Variants in ESYT2 observed in about 807,000 individuals in gnomAD.
ESYT2 encodes extended synaptotagmin 2.
In ESYT2, 54 loss-of-function variants were observed where a neutral mutation model predicts 107.2. The observed-to-expected ratio is 0.50, with a 90% CI of 0.40 to 0.63. The LOEUF is 0.63. Among genes scored for constraint, ESYT2 ranks in the 30% least tolerant of loss-of-function variants. The pLI is 0.00. For missense variants in ESYT2, 1,020 were observed against 1,094.5 expected (o/e 0.93, Z 0.96); for synonymous variants, 491 against 434.1 (o/e 1.13, Z -1.63).
chr7:158,820,991 G>A (rs1371990853), intron 1 of ESYT2, among the ~76,000 whole-genome samples: 4 of 152,024 alleles, frequency 2.6e-5, no homozygotes, highest in African/African-American at 7.3e-5. Context: ...AATTCATCAA[G>A]ACTCATTTTT....
At chr7:158,774,601 T>C (rs376693488) in intron 6 of ESYT2, among the ~76,000 whole-genome samples, 1 of 152,180 alleles carries the variant, frequency 6.6e-6, no homozygotes, top group East Asian at 1.9e-4. Context: ...AAGGAACAGG[T>C]ACTCCCTGCC....
chr7:158,826,925 G>GAGGCCA (rs971397380), intron 1 of ESYT2, among the ~76,000 whole-genome samples: 11 of 151,902 alleles, frequency 7.2e-5, no homozygotes, highest in African/African-American at 2.7e-4. Context: ...TGCACTTGGG[G>GAGGCCA]AGGCCAAGGC....
At chr7:158,793,603 A>G (rs113646836) in intron 4 of ESYT2, 47 bp downstream of exon 4, 8 of 1,383,508 alleles carry the variant, frequency 5.8e-6, no homozygotes, top group African/African-American at 2.8e-5. Context: ...GCTAAGTGAC[A>G]TTACACGCCA....
intron 1 of ESYT2, 53 bp downstream of exon 1, chr7:158,829,036 G>A (rs1840547911): frequency 3.9e-6 from 6 of 1,558,360 alleles, no homozygotes; most frequent in Non-Finnish European, 5.2e-6. Context: ...CCTGGACGAG[G>A]GGAGATCGGG....
chr7:158,760,129 C>T lies in ESYT2; in HGVS notation c.1252G>A (p.Val418Ile). 1 of 1,614,180 alleles carries T rather than the reference C, an allele frequency of 6.2e-7. No homozygotes were observed. Among genetic ancestry groups the T allele is most frequent in the Non-Finnish European group, 8.5e-7 (1 of 1,180,012 alleles). The change falls in exon 12 of 23, where the codon GTT becomes ATT. Residue 418 changes from valine (V) to isoleucine (I), a missense_variant. Val to Ile is a conservative substitution (Grantham distance 29). Coordinates refer to ENST00000275418, the MANE Select transcript of ESYT2 (RefSeq NM_001367773.1). ...CTCAAGTGTAGCTTCCCCTTGGGAA[C>T]CTCGTCCAGAGTGAACCACTGAAGA... ...LLDEWFTLDE[V>I]PKGKLHLRLE...
intron 7 of ESYT2, among the ~76,000 whole-genome samples, chr7:158,768,579 C>T (rs1838245152): frequency 6.6e-6 from 1 of 152,186 alleles, no homozygotes; most frequent in Admixed American, 6.5e-5. Flanking sequence ...ACCACCACGC[C>T]TGGCTAATAT....
In ESYT2 at chr7:158,785,471, A is replaced by AAATAAATAAATC. The variant is rs1278428532; in HGVS notation, c.747+2532_747+2533insGATTTATTTATT. 1.6e-4 allele frequency among the ~76,000 whole-genome samples: 22 copies of AAATAAATAAATC among 137,560 alleles called. No homozygotes were observed. The East Asian group carries it at 3.2e-3, about 20-fold the overall frequency. 90.2% of individuals were successfully genotyped at this position (137,560 alleles called of 152,430 possible). ...TAAATAAATAAATAAATAAATAAAT[A>AAATAAATAAATC]AATCACCTCCAGTGTCAGGACTAAA... On this transcript the variant is annotated intron_variant, in intron 6 of 22. Transcript: ENST00000275418.
At chr7:158,760,271 C>T (rs1443033690) in intron 11 of ESYT2, 124 bp from the exon 12 acceptor site, 8 of 802,478 alleles carry the variant, frequency 1.0e-5, no homozygotes, top group African/African-American at 3.4e-5. Flanking sequence ...TTCTCAGTAA[C>T]GCGAAGGCTG....
Position 158,764,823 on chromosome 7 carries a change from G to C in ESYT2, c.955C>G (p.Gln319Glu), listed in dbSNP as rs1332424714. The change falls in exon 9 of 23, where the codon CAG (glutamine) becomes GAG (glutamate). Residue 319 changes from glutamine (Q) to glutamate (E), a missense_variant. Coordinates refer to ENST00000275418, the MANE Select transcript of ESYT2 (RefSeq NM_001367773.1). ...TAAGTGTCTTTCCCCTGAAGATCCTGAGCTTCAATAAAATGTATCCTTAGA... is the reference window on the plus strand; with the variant it reads ...TAAGTGTCTTTCCCCTGAAGATCCTCAGCTTCAATAAAATGTATCCTTAGA... ...GVLRIHFIEA[Q>E]DLQGKDTYLK... The C allele has an allele frequency of 6.2e-7, 1 of 1,614,116 alleles. No homozygotes were observed. Among genetic ancestry groups the C allele is most frequent in the Admixed American group, 1.7e-5 (1 of 60,012 alleles).
intron 1 of ESYT2, among the ~76,000 whole-genome samples, chr7:158,807,450 G>T (rs1441268581): frequency 6.6e-6 from 1 of 151,956 alleles, no homozygotes; most frequent in Non-Finnish European, 1.5e-5. Context: ...GAAGGAGGTC[G>T]GAAATTTACC....
chr7:158,813,271 GTTGAA>G (rs1202007734), intron 1 of ESYT2, among the ~76,000 whole-genome samples: 3 of 152,224 alleles, frequency 2.0e-5, no homozygotes, highest in Non-Finnish European at 4.4e-5. Flanking sequence ...GACAGGAAGA[GTTGAA>G]TTGAAGCACA....
At position 158,759,574 on chromosome 7, in the gene ESYT2, G is replaced by C. The variant is rs1360126261; in HGVS notation, c.1331C>G (p.Thr444Arg). 1.2e-6 allele frequency: 2 copies of C among 1,608,894 alleles called. No homozygotes were observed. The highest frequency in any genetic ancestry group is 1.7e-6 in the Non-Finnish European group (2 of 1,175,826). The change falls in exon 13 of 23, where the codon ACA (threonine) becomes AGA (arginine). Residue 444 changes from threonine (T) to arginine (R), a missense_variant. By Grantham distance (71) the Thr-to-Arg change is moderately conservative (BLOSUM62 -1). Transcript: ENST00000275418. ...PNASNLDKVL[T>R]DIKADKDQAN... ...TTGGTCTTTGTCAGCTTTGATGTCT[G>C]TTAGCACCTAAAAGGAAAGGAAAAA...
Position 158,756,305 on chromosome 7 carries a change from C to A in ESYT2, c.1419+3181G>T, listed in dbSNP as rs535725005. 6.0e-4 allele frequency among the ~76,000 whole-genome samples: 92 copies of A among 152,296 alleles called. No homozygotes were observed. The Middle Eastern group carries it at 0.027, about 45-fold the overall frequency. On this transcript the variant is annotated intron_variant, in intron 13 of 22. Transcript: ENST00000275418. ...AGCAGGTGAAAACGGCTCTCTACTGCAAGCACAGAGAACAGCACAGGTATC... is the reference window on the plus strand; with the variant it reads ...AGCAGGTGAAAACGGCTCTCTACTGAAAGCACAGAGAACAGCACAGGTATC...
chr7:158,806,528 T>C (rs1292188259), intron 1 of ESYT2, among the ~76,000 whole-genome samples: 4 of 152,224 alleles, frequency 2.6e-5, no homozygotes, highest in Non-Finnish European at 1.5e-5. Context: ...AAAACAGGGA[T>C]GCCTCACAGC....
chr7:158,827,594 G>A (rs1215815539), intron 1 of ESYT2: 1 of 152,170 alleles, frequency 6.6e-6, no homozygotes, highest in African/African-American at 2.4e-5. Flanking sequence ...CGGCAGAACT[G>A]TACATTCCCA....
chr7:158,763,211 G>C (rs1201370022), intron 9 of ESYT2, 46 bp from the exon 10 acceptor site: 1 of 1,347,724 alleles, frequency 7.4e-7, no homozygotes, highest in South Asian at 1.2e-5. Flanking sequence ...TACTAATATA[G>C]TCATACACTG....
intron 16 of ESYT2, among the ~76,000 whole-genome samples, chr7:158,746,516 A>G (rs1563622296): frequency 6.6e-6 from 1 of 151,738 alleles, no homozygotes; most frequent in East Asian, 1.9e-4. Flanking sequence ...CCTCAAGAAA[A>G]AAAAAAAAAA....
At chr7:158,797,131 T>G (rs1246085504) in intron 3 of ESYT2, among the ~76,000 whole-genome samples, 2 of 152,224 alleles carry the variant, frequency 1.3e-5, no homozygotes, top group East Asian at 3.9e-4. Flanking sequence ...TGAACAATTT[T>G]CTTCAGAACA....
chr7:158,782,715 CAA>C (rs1276372620), intron 6 of ESYT2, among the ~76,000 whole-genome samples: 1 of 152,056 alleles, frequency 6.6e-6, no homozygotes, highest in Non-Finnish European at 1.5e-5. Context: ...TGCAAGAGAA[CAA>C]GTGTGAGAAT....
Sources: allele counts gnomAD v4.1 joint callset (sites outside exome capture counted in the v4.1 genomes callset), GRCh38; gene constraint gnomAD v4.1.1; transcripts MANE v1.5; gene names NCBI Gene and HGNC (gene_info 2026-07-23, HGNC 2026-07-21).